NNMT: variants seen among roughly 807,000 people sequenced by gnomAD.
NNMT encodes the protein nicotinamide N-methyltransferase.
In NNMT, 10 loss-of-function variants were observed where a neutral mutation model predicts 11.7. The observed-to-expected ratio is 0.85, with a 90% CI of 0.53 to 1.45. The LOEUF (loss-of-function observed/expected upper bound fraction) is 1.45. NNMT is among the 40% of genes most tolerant of loss of function. The pLI, the probability that NNMT is intolerant of heterozygous loss-of-function variation, is 0.00. For missense variants in NNMT, 381 were observed against 319.4 expected (o/e 1.19, Z -1.47); for synonymous variants, 143 against 133.8 (o/e 1.07, Z -0.48).
intron 2 of NNMT, among the ~76,000 whole-genome samples, chr11:114,274,548 C>G (rs541658312): frequency 6.6e-6 from 1 of 152,324 alleles, no homozygotes; most frequent in African/African-American, 2.4e-5. Flanking sequence ...CTTCACGTGG[C>G]TCTCTGAACT....
Position 114,298,020 on chromosome 11 carries a change from G to A in NNMT, c.224G>A (p.Cys75Tyr), listed in dbSNP as rs1345058412. 9.9e-6 allele frequency: 16 copies of A among 1,613,968 alleles called. No homozygotes were observed. The highest frequency in any genetic ancestry group is 1.3e-5 in the Non-Finnish European group (15 of 1,180,048). The change falls in exon 2 of 3, where the codon TGT becomes TAT. Residue 75 changes from cysteine to tyrosine, a missense_variant. Coordinates refer to ENST00000299964, the MANE Select transcript of NNMT (RefSeq NM_006169.3). ...GPTIYQLLSA[C>Y]ESFKEIVVTD... ...ACTATCTATCAGCTCCTCTCTGCTT[G>A]TGAATCCTTTAAGGAGATCGTCGTC... is the stretch of plus-strand genomic sequence containing the variant.
upstream of NNMT, among the ~76,000 whole-genome samples, chr11:114,291,573 C>T (rs144711825): frequency 3.3e-5 from 5 of 152,156 alleles, no homozygotes; most frequent in East Asian, 7.7e-4. Flanking sequence ...GCAATCTTGG[C>T]GATGGTTGTC....
chr11:114,301,860 G>C (rs992537249), intron 2 of NNMT, among the ~76,000 whole-genome samples: 2 of 151,792 alleles, frequency 1.3e-5, no homozygotes, highest in Non-Finnish European at 2.9e-5. Context: ...TTTAAAAAAT[G>C]ACAGCTTTTT....
intron 1 of NNMT, among the ~76,000 whole-genome samples, chr11:114,260,309 C>T (rs1169849716): frequency 6.6e-6 from 1 of 152,200 alleles, no homozygotes; most frequent in Non-Finnish European, 1.5e-5. Context: ...TGTGTGTTCC[C>T]ATAACTTCTA....
At chr11:114,304,238 T>C (rs1214990712) in intron 2 of NNMT, among the ~76,000 whole-genome samples, 1 of 152,182 alleles carries the variant, frequency 6.6e-6, no homozygotes, top group Non-Finnish European at 1.5e-5. Context: ...AAAGTCCAAA[T>C]CATCTGTCAA....
At chr11:114,283,594 C>G (rs1255419666) in intron 2 of NNMT, among the ~76,000 whole-genome samples, 1 of 152,154 alleles carries the variant, frequency 6.6e-6, no homozygotes, top group Non-Finnish European at 1.5e-5. Flanking sequence ...AGCTTTTTGA[C>G]AAGAGATTGA....
intron 2 of NNMT, among the ~76,000 whole-genome samples, chr11:114,281,018 G>A (rs559372046): frequency 3.2e-4 from 49 of 152,300 alleles, no homozygotes; most frequent in South Asian, 2.5e-3. Context: ...CACAGAAGCT[G>A]AGGCCCAGGA....
At chr11:114,278,520 G>A (rs772008514) in intron 2 of NNMT, among the ~76,000 whole-genome samples, 1 of 152,110 alleles carries the variant, frequency 6.6e-6, no homozygotes, top group Non-Finnish European at 1.5e-5. Flanking sequence ...AATGTTCTGG[G>A]CACCTGGTGT....
At chr11:114,308,820 A>G (rs542071935) in intron 2 of NNMT, among the ~76,000 whole-genome samples, 3 of 152,110 alleles carry the variant, frequency 2.0e-5, no homozygotes, top group Non-Finnish European at 4.4e-5. Flanking sequence ...GACTTCCCCA[A>G]TGTTTGCTGT....
chr11:114,263,110 C>A (rs1945096310), intron 2 of NNMT, among the ~76,000 whole-genome samples: 2 of 152,130 alleles, frequency 1.3e-5, no homozygotes, highest in African/African-American at 4.8e-5. Context: ...GGGTACTTGA[C>A]CTTTTCCTGA....
At chr11:114,282,607 C>G (rs1945270286) in intron 2 of NNMT, among the ~76,000 whole-genome samples, 1 of 152,172 alleles carries the variant, frequency 6.6e-6, no homozygotes, top group Non-Finnish European at 1.5e-5. Flanking sequence ...TGATGGAATT[C>G]TGACCCAAAG....
chr11:114,288,117 A>G (rs533435660), intron 2 of NNMT, among the ~76,000 whole-genome samples: 54 of 152,298 alleles, frequency 3.5e-4, no homozygotes, highest in Non-Finnish European at 6.9e-4. Context: ...GTAATAATTT[A>G]CTTGTAGATT....
upstream of NNMT, among the ~76,000 whole-genome samples, chr11:114,293,910 T>C (rs1945352160): frequency 6.6e-6 from 1 of 152,076 alleles, no homozygotes; most frequent in Admixed American, 6.5e-5. Flanking sequence ...GATGAATGGA[T>C]AAAGACAATG....
At chr11:114,284,780 T>C (rs1435555937) in intron 2 of NNMT, among the ~76,000 whole-genome samples, 2 of 133,634 alleles carry the variant, frequency 1.5e-5, no homozygotes, top group African/African-American at 5.5e-5. Context: ...TTTTTTTTTT[T>C]TTTTTTTTGA....
At chr11:114,272,369 T>G (rs2135248928) in intron 2 of NNMT, among the ~76,000 whole-genome samples, 1 of 152,290 alleles carries the variant, frequency 6.6e-6, no homozygotes, top group Middle Eastern at 3.4e-3. Flanking sequence ...GTGCTCAGGG[T>G]AGCTGTGAAA....
chr11:114,276,901 T>G (rs1018893725), intron 2 of NNMT, among the ~76,000 whole-genome samples: 5 of 152,334 alleles, frequency 3.3e-5, no homozygotes, highest in Non-Finnish European at 5.9e-5. Context: ...GTCACTAACA[T>G]CTCAGAGCCT....
chr11:114,264,311 T>C (rs1945104381), intron 2 of NNMT, among the ~76,000 whole-genome samples: 1 of 152,106 alleles, frequency 6.6e-6, no homozygotes, highest in Non-Finnish European at 1.5e-5. Context: ...TTCCTTCCTT[T>C]TTCTTACAAC....
intron 2 of NNMT, among the ~76,000 whole-genome samples, chr11:114,276,379 C>G (rs953518711): frequency 3.3e-5 from 5 of 152,142 alleles, no homozygotes; most frequent in African/African-American, 9.7e-5. Context: ...TTCTCTGTGG[C>G]CCGGCGAAGG....
chr11:114,275,659 G>C (rs1235252633), intron 2 of NNMT, among the ~76,000 whole-genome samples: 2 of 152,086 alleles, frequency 1.3e-5, no homozygotes, highest in African/African-American at 2.4e-5. Context: ...GTTATGGTTA[G>C]GTTTTGTGTT....
Sources: gnomAD v4.1 joint callset for allele counts (sites outside exome capture counted in the v4.1 genomes callset) on GRCh38, gnomAD v4.1.1 for gene constraint, MANE v1.5 for transcripts, NCBI Gene and HGNC (gene_info 2026-07-23, HGNC 2026-07-21) for gene names.